FOXK1: variants seen among roughly 807,000 people sequenced by gnomAD.
FOXK1 encodes forkhead box protein K1.
FOXK1 carries 19 observed loss-of-function variants against 51.9 expected under a neutral mutation model. That is an observed-to-expected ratio of 0.37 (90% CI 0.26 to 0.54). The LOEUF is 0.54. Among genes scored for constraint, FOXK1 ranks in the 20% least tolerant of loss-of-function variants. The pLI is 0.87. For missense variants in FOXK1, 870 were observed against 1,032.7 expected, an observed-to-expected ratio of 0.84 and a Z score of 2.16; for synonymous variants, 537 against 482.6, an observed-to-expected ratio of 1.11 and a Z score of -1.48.
Position 4,733,503 on chromosome 7 carries a change from C to G in FOXK1, c.561-7335C>G, listed in dbSNP as rs767172047. Among the ~76,000 whole-genome samples the G allele has an allele frequency of 3.3e-5, 5 of 152,228 alleles. No individual in the cohort carries two copies. The highest frequency in any genetic ancestry group is 4.8e-5 in the African/African-American group (2 of 41,460). ...GGAGGAGTGAAGAAGGCCCTTGGTT[C>G]CTCATATAGACATGACCCATTTGTA... On this transcript the variant is annotated intron_variant, in intron 1 of 8. Coordinates refer to ENST00000328914, the MANE Select transcript of FOXK1 (RefSeq NM_001037165.2). The surrounding 1 kb of genome is among the most constrained non-coding windows in gnomAD (Gnocchi z 5.0).
intron 1 of FOXK1, among the ~76,000 whole-genome samples, chr7:4,710,476 G>A (rs1372368292): frequency 6.6e-6 from 1 of 152,190 alleles, no homozygotes; most frequent in African/African-American, 2.4e-5. Context: ...TCCGGAGGCC[G>A]AGGCAGGAGA....
rs1780743855 is a variant in FOXK1, at chr7:4,749,184, G to T, written c.747-5275G>T. On this transcript the variant is annotated intron_variant, in intron 2 of 8. Transcript: ENST00000328914. This position sits in a 1 kb window ranked among gnomAD's most constrained non-coding sequence, Gnocchi z 6.0. The stretch of plus-strand genomic sequence containing the variant: ...GAGCGTGTTCTTGCTCTGCAGGTGT[G>T]CTTTGCATGCTGTTCTTACTGTCCT... 6.6e-6 allele frequency among the ~76,000 whole-genome samples: 1 copy of T among 152,064 alleles called. No individual in the cohort carries two copies. Among genetic ancestry groups the T allele is most frequent in the South Asian group, 2.1e-4 (1 of 4,818 alleles).
rs2115038932 is a variant in FOXK1 at position 4,707,243 on chromosome 7, G to A, written c.560+24375G>A. 6.6e-6 allele frequency among the ~76,000 whole-genome samples: 1 copy of A among 152,226 alleles called. No homozygotes were observed. The highest frequency in any genetic ancestry group is 3.4e-3 in the Middle Eastern group (1 of 294). ...AGGTGCGGGGAGCTCAGGGCGTTCG[G>A]GGTGGTGTTCTGGTGGAGGGGACGC... On this transcript the variant is annotated intron_variant, in intron 1 of 8. Transcript: ENST00000328914. This position sits in a 1 kb window ranked among gnomAD's most constrained non-coding sequence, Gnocchi z 4.1.
chr7:4,726,730 C>T (rs1336005340), intron 1 of FOXK1, among the ~76,000 whole-genome samples: 2 of 152,176 alleles, frequency 1.3e-5, no homozygotes, highest in South Asian at 2.1e-4. Flanking sequence ...CTCTGCAGGG[C>T]GGCAGCTGCT....
intron 2 of FOXK1, among the ~76,000 whole-genome samples, chr7:4,746,086 C>G (rs1780699002): frequency 6.6e-6 from 1 of 152,166 alleles, no homozygotes; most frequent in Non-Finnish European, 1.5e-5. Context: ...ACTTCAAGAG[C>G]TGTTTCTCTT....
chr7:4,730,522 G>A lies in FOXK1; in HGVS notation c.561-10316G>A, dbSNP rs1200029784. On this transcript the variant is annotated intron_variant, in intron 1 of 8. Coordinates refer to ENST00000328914, the MANE Select transcript of FOXK1 (RefSeq NM_001037165.2). This position sits in a 1 kb window ranked among gnomAD's most constrained non-coding sequence, Gnocchi z 4.7. ...CACCAGTGCTGGTTCCGTGTCTGTC[G>A]GGGAGGGGATGGACGTTTGTGTTGC... 1.3e-5 allele frequency among the ~76,000 whole-genome samples: 2 copies of A among 152,326 alleles called. No homozygotes were observed. The highest frequency in any genetic ancestry group is 1.9e-4 in the East Asian group (1 of 5,180).
At chr7:4,706,371 A>T (rs559990867) in intron 1 of FOXK1, among the ~76,000 whole-genome samples, 1 of 152,060 alleles carries the variant, frequency 6.6e-6, no homozygotes, top group East Asian at 1.9e-4. Context: ...CTAAGTTAGG[A>T]GTTTATATCT....
chr7:4,712,055 C>CTTT (rs374823663), intron 1 of FOXK1, among the ~76,000 whole-genome samples: 7 of 145,476 alleles, frequency 4.8e-5, no homozygotes, highest in African/African-American at 1.8e-4. Context: ...ATCATCTGTG[C>CTTT]TTTTTTTTTT....
At position 4,745,472 on chromosome 7, in the gene FOXK1, T is replaced by G. The variant is rs200448620; in HGVS notation, c.746+4449T>G. 6.6e-6 allele frequency among the ~76,000 whole-genome samples: 1 copy of G among 150,474 alleles called. No homozygotes were observed. Among genetic ancestry groups the G allele is most frequent in the African/African-American group, 2.4e-5 (1 of 41,040 alleles). On this transcript the variant is annotated intron_variant, in intron 2 of 8. Coordinates refer to ENST00000328914, the MANE Select transcript of FOXK1 (RefSeq NM_001037165.2). This position sits in a 1 kb window ranked among gnomAD's most constrained non-coding sequence, Gnocchi z 4.3. ...TGGGTATGGGTGTGGGTGTGTGGTT[T>G]TGTGTGTGTGTGTGTGTTTCTGATT...
In FOXK1 at chr7:4,753,970, T is replaced by A. The variant is rs1445583675; in HGVS notation, c.747-489T>A. On this transcript the variant is annotated intron_variant, in intron 2 of 8. Transcript: ENST00000328914. The surrounding 1 kb of genome is among the most constrained non-coding windows in gnomAD (Gnocchi z 4.9). Reference sequence around the variant, plus strand: ...AGAGCCACCTGCCACGCCTTCACCCTGCAGGGCGATGGCACCTCCACAGCC... The same window carrying A: ...AGAGCCACCTGCCACGCCTTCACCCAGCAGGGCGATGGCACCTCCACAGCC... Among the ~76,000 whole-genome samples the A allele has an allele frequency of 6.6e-6, 1 of 152,198 alleles. No homozygotes were observed. The highest frequency in any genetic ancestry group is 2.4e-5 in the African/African-American group (1 of 41,460).
chr7:4,738,372 G>A (rs946235483), intron 1 of FOXK1, among the ~76,000 whole-genome samples: 2 of 151,972 alleles, frequency 1.3e-5, no homozygotes, highest in East Asian at 3.9e-4. Flanking sequence ...AGGAGGTGGA[G>A]GTTGCAGTGA....
intron 1 of FOXK1, among the ~76,000 whole-genome samples, chr7:4,705,946 T>C (rs1780084671): frequency 7.5e-6 from 1 of 132,536 alleles, no homozygotes; most frequent in East Asian, 2.0e-4. Flanking sequence ...ACTTTCAAAA[T>C]TATATATATA....
intron 1 of FOXK1, among the ~76,000 whole-genome samples, chr7:4,713,807 T>G (rs190698799): frequency 6.7e-6 from 1 of 149,600 alleles, no homozygotes; most frequent in African/African-American, 2.5e-5. Flanking sequence ...TTCTTTTGAG[T>G]TTTTTCTTTT....
chr7:4,696,133 A>G (rs1779948268), intron 1 of FOXK1, among the ~76,000 whole-genome samples: 2 of 151,534 alleles, frequency 1.3e-5, no homozygotes, highest in South Asian at 4.2e-4. Context: ...AAAAAAAAAA[A>G]AGAATCTTGT....
chr7:4,758,916 G>C lies in FOXK1; in HGVS notation c.1245-135G>C. 1 of 942,300 alleles carries C rather than the reference G, an allele frequency of 1.1e-6. No individual in the cohort carries two copies. Among genetic ancestry groups the C allele is most frequent in the Non-Finnish European group, 1.5e-6 (1 of 645,470 alleles). The allele number at this position is 942,300 out of a possible 1,614,324, so 58.4% of individuals were successfully genotyped here. A position where few individuals can be genotyped will look rare whatever the true frequency, so the allele number is the denominator to read the frequency against. On this transcript the variant is annotated intron_variant, in intron 5 of 8. Transcript: ENST00000328914. This position sits in a 1 kb window ranked among gnomAD's most constrained non-coding sequence, Gnocchi z 4.4. Reference sequence around the variant, plus strand: ...TCAGGTTACGGGGGCGTTTCTCACCGTCTGAATGCGGAGGACAGAGACGAG... The same window carrying C: ...TCAGGTTACGGGGGCGTTTCTCACCCTCTGAATGCGGAGGACAGAGACGAG...
At chr7:4,710,403 C>G (rs186281483) in intron 1 of FOXK1, among the ~76,000 whole-genome samples, 1 of 151,970 alleles carries the variant, frequency 6.6e-6, no homozygotes, top group Non-Finnish European at 1.5e-5. Context: ...GGTGAAACCC[C>G]GTCTCTACTA....
In FOXK1 at chr7:4,734,024, G is replaced by T. The variant is rs986363942; in HGVS notation, c.561-6814G>T. Among the ~76,000 whole-genome samples the T allele has an allele frequency of 6.7e-6, 1 of 150,118 alleles. No homozygotes were observed. Among genetic ancestry groups the T allele is most frequent in the Non-Finnish European group, 1.5e-5 (1 of 68,020 alleles). Reference sequence around the variant, plus strand: ...TGCCGTGGGTGAAGCTTCACCTGGCGCAGGGAAGGCCATCAGACTTCCAGC... The same window carrying T: ...TGCCGTGGGTGAAGCTTCACCTGGCTCAGGGAAGGCCATCAGACTTCCAGC... On this transcript the variant is annotated intron_variant, in intron 1 of 8. Coordinates refer to ENST00000328914, the MANE Select transcript of FOXK1 (RefSeq NM_001037165.2). This position sits in a 1 kb window ranked among gnomAD's most constrained non-coding sequence, Gnocchi z 5.2.
At chr7:4,691,941 C>G (rs562823984) in intron 1 of FOXK1, among the ~76,000 whole-genome samples, 1 of 152,184 alleles carries the variant, frequency 6.6e-6, no homozygotes, top group South Asian at 2.1e-4. Flanking sequence ...CCAGCAATTC[C>G]CAGATTTGTT....
At chr7:4,701,351 G>T (rs1020785908) in intron 1 of FOXK1, among the ~76,000 whole-genome samples, 6 of 152,184 alleles carry the variant, frequency 3.9e-5, no homozygotes, top group Admixed American at 6.5e-5. Flanking sequence ...AGGACACTGA[G>T]ATAAGAAGGT....
Sources: gnomAD v4.1 joint callset for allele counts (sites outside exome capture counted in the v4.1 genomes callset) on GRCh38, gnomAD v4.1.1 for gene constraint, Gnocchi (gnomAD v3.1) non-coding constraint, MANE v1.5 for transcripts, NCBI Gene and HGNC (gene_info 2026-07-23, HGNC 2026-07-21) for gene names.